Variants in RIT2 observed in about 807,000 individuals in gnomAD.
RIT2 encodes the protein GTP-binding protein Rit2.
A neutral mutation model predicts 23.7 loss-of-function variants in RIT2; 24 were observed. That is an observed-to-expected ratio of 1.01 (90% CI 0.73 to 1.43). The LOEUF is 1.43. RIT2 is among the 40% of genes most tolerant of loss of function. RIT2 has a pLI of 0.00. For missense variants in RIT2, 236 were observed against 266.9 expected (o/e 0.88, Z 0.81); for synonymous variants, 107 against 91.1 (o/e 1.17, Z -0.99).
chr18:42,748,995 A>G (rs1411987568), intron 4 of RIT2, among the ~76,000 whole-genome samples: 2 of 151,994 alleles, frequency 1.3e-5, no homozygotes, highest in African/African-American at 4.8e-5. Flanking sequence ...AACTCAATTG[A>G]TCCAATTGAC....
At chr18:42,970,409 G>A (rs544740698) in intron 3 of RIT2, among the ~76,000 whole-genome samples, 1 of 152,138 alleles carries the variant, frequency 6.6e-6, no homozygotes, top group Non-Finnish European at 1.5e-5. Context: ...TAGGGTACAA[G>A]TTCTTTATAA....
intron 2 of RIT2, among the ~76,000 whole-genome samples, chr18:42,993,183 T>A (rs1227302930): frequency 6.6e-6 from 1 of 152,198 alleles, no homozygotes. Flanking sequence ...GGCCAAGGAA[T>A]GCCCACAGCC....
At chr18:42,905,624 C>A (rs187598464) in intron 4 of RIT2, among the ~76,000 whole-genome samples, 1 of 152,082 alleles carries the variant, frequency 6.6e-6, no homozygotes, top group Non-Finnish European at 1.5e-5. Context: ...AGTTGCCCAC[C>A]ACCATGCCTG....
intron 2 of RIT2, among the ~76,000 whole-genome samples, chr18:42,990,014 T>C (rs1054932060): frequency 6.4e-5 from 1 of 15,718 alleles, no homozygotes; most frequent in African/African-American, 8.9e-5. Flanking sequence ...CAGATATGTG[T>C]GTGTGTGTGT....
intron 4 of RIT2, among the ~76,000 whole-genome samples, chr18:42,880,267 T>C (rs1164116715): frequency 6.6e-6 from 1 of 152,170 alleles, no homozygotes; most frequent in Non-Finnish European, 1.5e-5. Context: ...CTGGGGCTGT[T>C]TGGGACTTCT....
rs79283858 is a variant in RIT2, at chr18:42,874,495, G to T, written c.426+49077C>A. Among the ~76,000 whole-genome samples the T allele has an allele frequency of 1.5e-3, 233 of 152,190 alleles. 1 individual carries two copies. In the East Asian group the frequency reaches 0.016, roughly 10 times the overall value. On this transcript the variant is annotated intron_variant, in intron 4 of 4. Transcript: ENST00000326695. ...AGAAGAAACTGTTTACATTTGCATT[G>T]TTGAAGTCTTTAGATTAGAAAATAA... is the stretch of plus-strand genomic sequence containing the variant.
At chr18:42,837,556 A>T (rs1016199269) in intron 4 of RIT2, among the ~76,000 whole-genome samples, 7 of 152,138 alleles carry the variant, frequency 4.6e-5, no homozygotes, top group African/African-American at 1.7e-4. Context: ...TGTTTAGGGA[A>T]CTACTTTGAG....
Position 42,923,687 on chromosome 18 carries a change from C to T in RIT2, c.311G>A (p.Arg104His), listed in dbSNP as rs754435765. Residue 104 changes from arginine to histidine, a missense_variant, in exon 4 of 5, where the codon CGT (arginine) becomes CAT (histidine). Coordinates refer to ENST00000326695, the MANE Select transcript of RIT2 (RefSeq NM_002930.4). ...CTTGGCAGCCTCCTGAAATGATTGACGGTCAGTGACGGAGTAGCAGATGAT... is the reference window on the plus strand; with the variant it reads ...CTTGGCAGCCTCCTGAAATGATTGATGGTCAGTGACGGAGTAGCAGATGAT... ...GFIICYSVTD[R>H]QSFQEAAKFK... 4.3e-6 allele frequency: 7 copies of T among 1,612,786 alleles called. No homozygotes were observed. Among genetic ancestry groups the T allele is most frequent in the African/African-American group, 2.7e-5 (2 of 74,654 alleles).
chr18:42,780,046 G>GTTT (rs1913770536), intron 4 of RIT2, among the ~76,000 whole-genome samples: 17 of 50,586 alleles, frequency 3.4e-4, no homozygotes, highest in South Asian at 8.0e-4. Flanking sequence ...TCAATTTAGA[G>GTTT]GTTTTTTTTT....
chr18:42,986,702 A>G (rs941610552), intron 2 of RIT2, among the ~76,000 whole-genome samples: 4 of 151,736 alleles, frequency 2.6e-5, no homozygotes, highest in Admixed American at 2.6e-4. Context: ...AGGTTTCACC[A>G]TGTTGGTCAG....
chr18:43,033,038 A>C (rs1412076109), intron 2 of RIT2, among the ~76,000 whole-genome samples: 1 of 152,190 alleles, frequency 6.6e-6, no homozygotes, highest in African/African-American at 2.4e-5. Context: ...CCATGAGGCT[A>C]TATGCCTCCC....
intron 4 of RIT2, among the ~76,000 whole-genome samples, chr18:42,760,023 G>A (rs768383652): frequency 6.6e-5 from 10 of 152,022 alleles, no homozygotes; most frequent in East Asian, 3.9e-4. Flanking sequence ...GTGATCCACC[G>A]GCCTTGGCCT....
At chr18:42,976,796 G>A (rs545647488) in intron 2 of RIT2, among the ~76,000 whole-genome samples, 2 of 152,134 alleles carry the variant, frequency 1.3e-5, no homozygotes, top group East Asian at 1.9e-4. Flanking sequence ...ATTGCAAGAC[G>A]GAAGACTAGA....
intron 2 of RIT2, among the ~76,000 whole-genome samples, chr18:43,013,212 C>T (rs557373971): frequency 9.9e-5 from 15 of 151,896 alleles, no homozygotes; most frequent in Admixed American, 2.6e-4. Context: ...CTTATTTGAA[C>T]GCCAAATTCT....
intron 4 of RIT2, among the ~76,000 whole-genome samples, chr18:42,895,920 A>C (rs906926118): frequency 1.3e-5 from 2 of 152,228 alleles, no homozygotes; most frequent in Non-Finnish European, 2.9e-5. Context: ...GATAGAAACC[A>C]GGAAGATGGG....
intron 2 of RIT2, among the ~76,000 whole-genome samples, chr18:42,987,748 C>T (rs928378307): frequency 3.3e-5 from 5 of 152,128 alleles, no homozygotes; most frequent in African/African-American, 1.2e-4. Context: ...GTTCTGCAGA[C>T]TGTACAAAAG....
At chr18:42,806,001 T>C (rs1308362796) in intron 4 of RIT2, among the ~76,000 whole-genome samples, 1 of 151,662 alleles carries the variant, frequency 6.6e-6, no homozygotes, top group African/African-American at 2.4e-5. Flanking sequence ...TGTTCTCAAG[T>C]ACTTTGCACT....
chr18:43,083,720 T>C (rs985942761), intron 1 of RIT2, among the ~76,000 whole-genome samples: 1 of 152,108 alleles, frequency 6.6e-6, no homozygotes, highest in Non-Finnish European at 1.5e-5. Flanking sequence ...TTGCACCTTA[T>C]ACAAAAATTA....
intron 3 of RIT2, among the ~76,000 whole-genome samples, chr18:42,968,516 A>C (rs1598733577): frequency 6.6e-6 from 1 of 152,282 alleles, no homozygotes; most frequent in Admixed American, 6.5e-5. Context: ...TAGTTCTATC[A>C]GTTTGGGATG....
Sources: allele counts gnomAD v4.1 joint callset (sites outside exome capture counted in the v4.1 genomes callset), GRCh38; gene constraint gnomAD v4.1.1; transcripts MANE v1.5; gene names NCBI Gene and HGNC (gene_info 2026-07-23, HGNC 2026-07-21).